The following KIAA1217 variants were observed in gnomAD, a reference collection of about 807,000 sequenced individuals.
KIAA1217 encodes sickle tail protein homolog.
Under a neutral mutation model 163.9 loss-of-function variants are expected in KIAA1217, and 88 were observed. The ratio of observed to expected loss-of-function variants is 0.54; its 90% CI spans 0.45 to 0.64. The LOEUF is 0.64. Among genes scored for constraint, KIAA1217 ranks in the 30% least tolerant of loss-of-function variants. The pLI, the probability that KIAA1217 is intolerant of heterozygous loss-of-function variation, is 0.00. For synonymous variants in KIAA1217, 903 were observed against 923.1 expected, an observed-to-expected ratio of 0.98 and a Z score of 0.39; for missense variants, 2,372 against 2,475.0, an observed-to-expected ratio of 0.96 and a Z score of 0.88.
intron 1 of KIAA1217, among the ~76,000 whole-genome samples, chr10:23,930,441 C>T (rs1490267776): frequency 6.6e-6 from 1 of 152,136 alleles, no homozygotes; most frequent in Non-Finnish European, 1.5e-5. Context: ...TTCCAAAGAG[C>T]TATGTCCACA....
intron 2 of KIAA1217, among the ~76,000 whole-genome samples, chr10:24,165,565 C>T (rs1198199218): frequency 6.6e-6 from 1 of 152,120 alleles, no homozygotes; most frequent in Non-Finnish European, 1.5e-5. Flanking sequence ...ATGGGGTATA[C>T]CCTGAGCCAT....
chr10:24,434,021 CTCTCTTTTTTTTTTTTT>C (rs1477772361), intron 4 of KIAA1217, among the ~76,000 whole-genome samples: 8 of 122,382 alleles, frequency 6.5e-5, no homozygotes, highest in African/African-American at 2.0e-4. Context: ...CTCTCTCTCT[CTCTCTTTTTTTTTTTTT>C]TTTTTTTTTT....
In KIAA1217 at chr10:23,959,489, G is replaced by T. The variant is rs1247868521; in HGVS notation, c.-320-47736G>T. ...AGTGAGTGCCACTGCACTTCAGTCT[G>T]GGTAACAGAGTGAGACCTTGTCTCT... On this transcript the variant is annotated intron_variant, in intron 1 of 18. Transcript: ENST00000376462. Among the ~76,000 whole-genome samples, 4 of 152,294 alleles carry T rather than the reference G, an allele frequency of 2.6e-5. No homozygotes were observed. The South Asian group carries it at 8.3e-4, about 32-fold the overall frequency.
At position 24,373,430 on chromosome 10, in the gene KIAA1217, G is replaced by A. The variant is rs372253722; in HGVS notation, c.355-7439G>A. Among the ~76,000 whole-genome samples the A allele has an allele frequency of 1.1e-4, 17 of 152,260 alleles. No individual in the cohort carries two copies. In the East Asian group the frequency reaches 2.5e-3, roughly 22 times the overall value. ...CTTCTAACCCCAATTTAGGGAGAGA[G>A]TCTTCAGAGTGGCCTCTGTAGCATG... On this transcript the variant is annotated intron_variant, in intron 2 of 20. Transcript: ENST00000376454.
chr10:23,947,087 G>T (rs907726085), intron 1 of KIAA1217, among the ~76,000 whole-genome samples: 2 of 152,128 alleles, frequency 1.3e-5, no homozygotes, highest in Non-Finnish European at 2.9e-5. Context: ...TTCCCCTTCT[G>T]CCATGATTGT....
At chr10:24,352,537 C>T (rs1192538968) in intron 2 of KIAA1217, among the ~76,000 whole-genome samples, 1 of 152,088 alleles carries the variant, frequency 6.6e-6, no homozygotes, top group Non-Finnish European at 1.5e-5. Context: ...ATCAAATGTT[C>T]CATCTGTTTA....
At chr10:24,531,749 T>C (rs966100178) in intron 14 of KIAA1217, 81 bp from the exon 15 acceptor site, 73 of 1,340,106 alleles carry the variant, frequency 5.4e-5, no homozygotes, top group African/African-American at 2.9e-4. Flanking sequence ...TCAGATTGCA[T>C]TGGGTTTGTA....
chr10:24,019,678 A>T (rs1409057229), intron 2 of KIAA1217, among the ~76,000 whole-genome samples: 1 of 151,998 alleles, frequency 6.6e-6, no homozygotes, highest in African/African-American at 2.4e-5. Flanking sequence ...GAGCCCGGCT[A>T]CATTCTAAGA....
intron 2 of KIAA1217, among the ~76,000 whole-genome samples, chr10:24,054,905 C>G (rs1564643393): frequency 6.6e-6 from 1 of 152,116 alleles, no homozygotes; most frequent in African/African-American, 2.4e-5. Context: ...AATGGGACTC[C>G]TGTTGTATAT....
intron 3 of KIAA1217, among the ~76,000 whole-genome samples, chr10:24,415,203 C>T (rs2131405593): frequency 6.6e-6 from 1 of 151,346 alleles, no homozygotes; most frequent in African/African-American, 2.4e-5. Flanking sequence ...CAACCTCCAC[C>T]TCCCAGGTTC....
At chr10:24,356,679 T>G (rs1368754402) in intron 2 of KIAA1217, among the ~76,000 whole-genome samples, 1 of 152,226 alleles carries the variant, frequency 6.6e-6, no homozygotes, top group Non-Finnish European at 1.5e-5. Flanking sequence ...AGAATAAGTT[T>G]GGGCCCCCTC....
At chr10:24,483,707 C>T (rs1320444691) in intron 6 of KIAA1217, among the ~76,000 whole-genome samples, 1 of 152,170 alleles carries the variant, frequency 6.6e-6, no homozygotes, top group Non-Finnish European at 1.5e-5. Context: ...GGTAAATTAG[C>T]TGGCCGTGTT....
At chr10:24,227,379 A>G (rs11013982) in intron 2 of KIAA1217, among the ~76,000 whole-genome samples, 104,192 of 151,476 alleles carry the variant, frequency 0.69, 36,061 homozygotes, top group Non-Finnish European at 0.73. Flanking sequence ...GGCTGATCTC[A>G]AACTCCTGAC....
intron 1 of KIAA1217, among the ~76,000 whole-genome samples, chr10:23,857,677 C>G (rs939479503): frequency 3.7e-4 from 56 of 152,182 alleles, no homozygotes; most frequent in African/African-American, 1.3e-3. Context: ...GTTAGGAAAC[C>G]ACATTGCCTC....
intron 3 of KIAA1217, among the ~76,000 whole-genome samples, chr10:24,416,317 T>C (rs147017512): frequency 3.5e-4 from 53 of 152,260 alleles, no homozygotes; most frequent in Middle Eastern, 3.4e-3. Context: ...CCTGCAGAAG[T>C]AGAGGGTACT....
rs78009696 is a variant in KIAA1217 at position 24,190,025 on chromosome 10, T to TAA, written c.-170-29584_-170-29583dup. ...GACAGAGTGAGACTCTGTCTCTATTTAAAAAAAAAAAAAAAAAAGTATGAT... is the reference window on the plus strand; with the variant it reads ...GACAGAGTGAGACTCTGTCTCTATTTAAAAAAAAAAAAAAAAAAAAGTATGAT... On this transcript the variant is annotated intron_variant, in intron 2 of 18. Coordinates refer to the KIAA1217 transcript ENST00000376462. 1.3e-4 allele frequency among the ~76,000 whole-genome samples: 16 copies of TAA among 127,104 alleles called. No homozygotes were observed. The South Asian group carries it at 3.6e-3, about 29-fold the overall frequency. The allele number at this position is 127,104 out of a possible 152,430, so 83.4% of individuals were successfully genotyped here.
intron 1 of KIAA1217, among the ~76,000 whole-genome samples, chr10:23,908,980 G>T (rs7085983): frequency 6.6e-6 from 1 of 151,968 alleles, no homozygotes; most frequent in Non-Finnish European, 1.5e-5. Context: ...TCAACGAGTG[G>T]ATAAAGAAAC....
chr10:24,052,683 C>T (rs927994434), intron 2 of KIAA1217, among the ~76,000 whole-genome samples: 5 of 151,962 alleles, frequency 3.3e-5, no homozygotes, highest in Non-Finnish European at 5.9e-5. Context: ...CGGAACTTGG[C>T]CATTTGAAAA....
At chr10:24,366,349 G>A (rs2050780479) in intron 2 of KIAA1217, among the ~76,000 whole-genome samples, 1 of 152,140 alleles carries the variant, frequency 6.6e-6, no homozygotes. Flanking sequence ...GGAGGCTGAG[G>A]CAGGAGAATC....
Sources: allele counts gnomAD v4.1 joint callset (sites outside exome capture counted in the v4.1 genomes callset), GRCh38; gene constraint gnomAD v4.1.1; transcripts MANE v1.5; gene names NCBI Gene and HGNC (gene_info 2026-07-23, HGNC 2026-07-21).